SLC10A1: variants seen among roughly 807,000 people sequenced by gnomAD.
The protein encoded by SLC10A1 is hepatic sodium/bile acid cotransporter.
A neutral mutation model predicts 20.5 loss-of-function variants in SLC10A1; 36 were observed. The ratio of observed to expected loss-of-function variants is 1.75; its 90% CI spans 1.34 to 2.32. SLC10A1 has a LOEUF of 2.32. Among genes scored for constraint, SLC10A1 ranks in the 30% most tolerant of loss-of-function variants. SLC10A1 has a pLI of 0.00. For missense variants in SLC10A1, 545 were observed against 439.1 expected (o/e 1.24, Z -2.16); for synonymous variants, 188 against 163.6 (o/e 1.15, Z -1.14).
intron 1 of SLC10A1, among the ~76,000 whole-genome samples, chr14:69,795,906 G>T (rs78428365): frequency 6.6e-6 from 1 of 152,152 alleles, no homozygotes; most frequent in African/African-American, 2.4e-5. Flanking sequence ...ACTAAACCAG[G>T]GGGGACTGGC....
intron 1 of SLC10A1, among the ~76,000 whole-genome samples, chr14:69,795,823 C>T (rs1882377096): frequency 1.3e-5 from 2 of 152,110 alleles, no homozygotes; most frequent in Admixed American, 1.3e-4. Flanking sequence ...GAGTAGGGTG[C>T]TGACAGACAC....
rs1883435774 is a variant in SLC10A1, at chr14:69,775,969, G to C, written c.*313C>G. The C allele has an allele frequency of 3.3e-6, 1 of 300,790 alleles. No homozygotes were observed. The highest frequency in any genetic ancestry group is 2.2e-5 in the African/African-American group (1 of 45,856). 18.6% of individuals were successfully genotyped at this position (300,790 alleles called of 1,614,324 possible). On this transcript the variant is annotated 3_prime_UTR_variant, in exon 5 of 5. Transcript: ENST00000216540. The stretch of plus-strand genomic sequence containing the variant: ...ATATATTGATTAGTTCAGGAATTGA[G>C]TGACTTTAAGATGCTTATCAGACAC...
In SLC10A1 at chr14:69,779,256, G is replaced by C. The variant is rs1291879805; in HGVS notation, c.672C>G (p.Ala224=). 3.1e-6 allele frequency: 5 copies of C among 1,613,822 alleles called. No homozygotes were observed. Among genetic ancestry groups the C allele is most frequent in the Non-Finnish European group, 4.2e-6 (5 of 1,179,970 alleles). ...IMFAMTPLLI[A]TSSLMPFIGF... Reference sequence around the variant, plus strand: ...CAATAAAAGGCATCAGGGAGGAGGTGGCAATCAAGAGTGGTGTCATGGCAA... The same window carrying C: ...CAATAAAAGGCATCAGGGAGGAGGTCGCAATCAAGAGTGGTGTCATGGCAA... The change falls in exon 3 of 5, where the codon GCC becomes GCG. Residue 224 remains alanine (A), a synonymous_variant. Coordinates refer to ENST00000216540, the MANE Select transcript of SLC10A1 (RefSeq NM_003049.4).
chr14:69,780,297 G>A (rs1883560633), intron 2 of SLC10A1, among the ~76,000 whole-genome samples: 1 of 152,184 alleles, frequency 6.6e-6, no homozygotes, highest in Non-Finnish European at 1.5e-5. Context: ...TTTCCAGTGT[G>A]CATTTTAGAG....
rs556248421 is a variant in SLC10A1 at position 69,783,740 on chromosome 14, T to G, written c.567+2357A>C. On this transcript the variant is annotated intron_variant, in intron 2 of 4. Transcript: ENST00000216540. ...TCAGGTTAGAACTGGGTGAGGAGGT[T>G]GGATGAGAAGGCCATTTGAGTTGTC... Among the ~76,000 whole-genome samples, 4 of 152,258 alleles carry G rather than the reference T, an allele frequency of 2.6e-5. No individual in the cohort carries two copies. The South Asian group carries it at 8.3e-4, about 32-fold the overall frequency.
chr14:69,795,114 A>C (rs1882363855), intron 1 of SLC10A1, among the ~76,000 whole-genome samples: 1 of 152,194 alleles, frequency 6.6e-6, no homozygotes, highest in South Asian at 2.1e-4. Flanking sequence ...CTTGGGACAC[A>C]CAGGCTGCCA....
intron 3 of SLC10A1, 56 bp downstream of exon 3, chr14:69,779,121 ACTCCC>A (rs1566634665): frequency 7.8e-7 from 1 of 1,275,872 alleles, no homozygotes; most frequent in Non-Finnish European, 1.1e-6. Context: ...AGAATGTGCT[ACTCCC>A]CTCCAGCCTG....
chr14:69,781,677 G>T (rs1883595470), intron 2 of SLC10A1, among the ~76,000 whole-genome samples: 2 of 152,350 alleles, frequency 1.3e-5, no homozygotes, highest in Non-Finnish European at 2.9e-5. Flanking sequence ...CCTTATTAAA[G>T]AGTGGTGGAT....
chr14:69,784,216 A>G lies in SLC10A1; in HGVS notation c.567+1881T>C, dbSNP rs570670605. Among the ~76,000 whole-genome samples the G allele has an allele frequency of 3.3e-5, 5 of 152,318 alleles. 1 individual carries two copies. In the East Asian group the frequency reaches 5.8e-4, roughly 18 times the overall value. ...GAACTCATAAGGGAGTCTGAAGGTC[A>G]TGAGAGGTAGGAGGAAAGCAGCAGA... On this transcript the variant is annotated intron_variant, in intron 2 of 4. Transcript: ENST00000216540.
chr14:69,796,962 AG>A lies in SLC10A1; in HGVS notation c.193del (p.Leu65TrpfsTer21). On this transcript the variant is annotated frameshift_variant, in exon 1 of 5. Coordinates refer to ENST00000216540, the MANE Select transcript of SLC10A1 (RefSeq NM_003049.4). LOFTEE classifies it high-confidence loss of function. ...GGGCATGATGCCATACTGTGCCACCAGGGCGATGGCCAGCCCTTTAGGCTTC... is the reference window on the plus strand; with the variant it reads ...GGGCATGATGCCATACTGTGCCACCAGGCGATGGCCAGCCCTTTAGGCTTC... ...LWKPKGLAIALVAQYGIMPLT... is the reference protein window; with the variant it reads ...LWKPKGLAIAXVAQYGIMPLT... 6.2e-7 allele frequency: 1 copy of A among 1,614,230 alleles called. No homozygotes were observed. The highest frequency in any genetic ancestry group is 8.5e-7 in the Non-Finnish European group (1 of 1,180,030).
In SLC10A1 at chr14:69,776,501, G is replaced by C. The variant is rs994526709; in HGVS notation, c.944-113C>G. 14 of 772,238 alleles carry C rather than the reference G, an allele frequency of 1.8e-5. No homozygotes were observed. In the Admixed American group the frequency reaches 1.8e-4, roughly 10 times the overall value. 47.8% of individuals were successfully genotyped at this position (772,238 alleles called of 1,614,324 possible). On this transcript the variant is annotated intron_variant, in intron 4 of 4. Coordinates refer to ENST00000216540, the MANE Select transcript of SLC10A1 (RefSeq NM_003049.4). ...CCAACTCAGCCCTAGAGTGTGCTAA[G>C]TATATATTTTCCATCTCTGTCGTCT... is the stretch of plus-strand genomic sequence containing the variant.
intron 2 of SLC10A1, among the ~76,000 whole-genome samples, chr14:69,780,939 T>C (rs557561476): frequency 6.6e-6 from 1 of 152,356 alleles, no homozygotes; most frequent in East Asian, 1.9e-4. Context: ...TGTCCACGAA[T>C]CCAGAAGCCC....
Position 69,796,967 on chromosome 14 carries a change from G to C in SLC10A1, c.189C>G (p.Ile63Met). ...AHLWKPKGLA[I>M]ALVAQYGIMP... The stretch of plus-strand genomic sequence containing the variant: ...TGATGCCATACTGTGCCACCAGGGC[G>C]ATGGCCAGCCCTTTAGGCTTCCATA... The change falls in exon 1 of 5, where the codon ATC (isoleucine) becomes ATG (methionine). Residue 63 changes from isoleucine to methionine, a missense_variant. By Grantham distance (10) the Ile-to-Met change is conservative. Coordinates refer to ENST00000216540, the MANE Select transcript of SLC10A1 (RefSeq NM_003049.4). 6.2e-7 allele frequency: 1 copy of C among 1,614,242 alleles called. No individual in the cohort carries two copies. The highest frequency in any genetic ancestry group is 8.5e-7 in the Non-Finnish European group (1 of 1,180,048).
intron 2 of SLC10A1, among the ~76,000 whole-genome samples, chr14:69,780,328 T>TA (rs1277670293): frequency 5.9e-5 from 9 of 152,224 alleles, no homozygotes; most frequent in African/African-American, 1.9e-4. Context: ...TCCAAAATGA[T>TA]AAACAGGTAT....
At position 69,779,195 on chromosome 14, in the gene SLC10A1, A is replaced by T; in HGVS notation, c.733T>A (p.Cys245Ser). 1 of 1,608,912 alleles carries T rather than the reference A, an allele frequency of 6.2e-7. No homozygotes were observed. Among genetic ancestry groups the T allele is most frequent in the Non-Finnish European group, 8.5e-7 (1 of 1,178,126 alleles). Residue 245 changes from cysteine (C) to serine (S), a missense_variant, in exon 3 of 5, where the codon TGC becomes AGC. Coordinates refer to ENST00000216540, the MANE Select transcript of SLC10A1 (RefSeq NM_003049.4). Reference protein sequence around the residue: ...LLGYVLSALFCLNGRCRRTVS... With the variant: ...LLGYVLSALFSLNGRCRRTVS... ...AAAAATACCTACCGTCCATTGAGGCAGAAGAGAGCAGAGAGAACATAACCC... is the reference window on the plus strand; with the variant it reads ...AAAAATACCTACCGTCCATTGAGGCTGAAGAGAGCAGAGAGAACATAACCC...
rs1293267095 is a variant in SLC10A1 at position 69,778,324 on chromosome 14, A to G, written c.943+9T>C. 1 of 1,579,042 alleles carries G rather than the reference A, an allele frequency of 6.3e-7. No homozygotes were observed. The highest frequency in any genetic ancestry group is 2.2e-5 in the East Asian group (1 of 44,660). On this transcript the variant is annotated intron_variant, in intron 4 of 4. Coordinates refer to ENST00000216540, the MANE Select transcript of SLC10A1 (RefSeq NM_003049.4). ...CAGAACTTGAAGTGGGGATAATTTCAGTACTCACCCTTGGGAGTCTTGAAT... is the reference window on the plus strand; with the variant it reads ...CAGAACTTGAAGTGGGGATAATTTCGGTACTCACCCTTGGGAGTCTTGAAT...
At position 69,796,838 on chromosome 14, in the gene SLC10A1, A is replaced by T; in HGVS notation, c.318T>A (p.Asn106Lys). The change falls in exon 1 of 5, where the codon AAT becomes AAA. Residue 106 changes from asparagine (N) to lysine (K), a missense_variant. Transcript: ENST00000216540. ...CGCSPGGNLS[N>K]VFSLAMKGDM... ...CCCCCTTCATGGCCAGACTGAAGAC[A>T]TTGGACAGGTTCCCTCCAGGTGAGC... 6.2e-7 allele frequency: 1 copy of T among 1,614,160 alleles called. No homozygotes were observed. The highest frequency in any genetic ancestry group is 8.5e-7 in the Non-Finnish European group (1 of 1,180,024).
intron 2 of SLC10A1, among the ~76,000 whole-genome samples, chr14:69,782,052 C>T (rs1486437909): frequency 2.0e-5 from 3 of 152,194 alleles, no homozygotes; most frequent in Non-Finnish European, 2.9e-5. Context: ...GAAGGATGAG[C>T]ATAGTCCTCG....
intron 1 of SLC10A1, among the ~76,000 whole-genome samples, chr14:69,792,673 C>T (rs1882300949): frequency 6.6e-6 from 1 of 152,192 alleles, no homozygotes; most frequent in Non-Finnish European, 1.5e-5. Flanking sequence ...GCTTCAATTG[C>T]ATATGCCCTC....
Sources: allele counts gnomAD v4.1 joint callset (sites outside exome capture counted in the v4.1 genomes callset), GRCh38; gene constraint gnomAD v4.1.1; transcripts MANE v1.5; gene names NCBI Gene and HGNC (gene_info 2026-07-23, HGNC 2026-07-21).